UGT1A8: variants seen among roughly 807,000 people sequenced by gnomAD.
The protein encoded by UGT1A8 is UDP-glucuronosyltransferase 1A8.
In UGT1A8, 39 loss-of-function variants were observed where a neutral mutation model predicts 45.3. The ratio of observed to expected loss-of-function variants is 0.86; its 90% CI spans 0.67 to 1.12. The LOEUF (loss-of-function observed/expected upper bound fraction) is 1.12. UGT1A8 is among the 50% of genes most tolerant of loss of function. The pLI is 0.00. For missense variants in UGT1A8, 719 were observed against 664.9 expected, an observed-to-expected ratio of 1.08 and a Z score of -0.90; for synonymous variants, 275 against 249.2, an observed-to-expected ratio of 1.10 and a Z score of -0.97.
At chr2:233,654,850 G>A (rs1221049447) in intron 1 of UGT1A8, among the ~76,000 whole-genome samples, 1 of 152,210 alleles carries the variant, frequency 6.6e-6, no homozygotes, top group Admixed American at 6.5e-5. Flanking sequence ...CCTGCACTTA[G>A]GGAAACTGAG....
intron 1 of UGT1A8, among the ~76,000 whole-genome samples, chr2:233,639,581 A>C (rs892766406): frequency 6.6e-6 from 1 of 152,144 alleles, no homozygotes; most frequent in African/African-American, 2.4e-5. Context: ...TTGATGATAG[A>C]GTATGTGTTT....
intron 1 of UGT1A8, among the ~76,000 whole-genome samples, chr2:233,655,391 G>A (rs1301733136): frequency 6.6e-6 from 1 of 152,146 alleles, no homozygotes; most frequent in Non-Finnish European, 1.5e-5. Flanking sequence ...CCAAGGAGCA[G>A]GGACAGCAGG....
chr2:233,666,766 C>T (rs1216521650), intron 1 of UGT1A8, among the ~76,000 whole-genome samples: 1 of 151,620 alleles, frequency 6.6e-6, no homozygotes, highest in Non-Finnish European at 1.5e-5. Context: ...GTCATTTAAC[C>T]TTAGGTATCT....
In UGT1A8 at chr2:233,769,569, G is replaced by A; in HGVS notation, c.1295+1130G>A. ...TCAGGAAGACAGATGTGAAGAGCTG[G>A]AGCATGTTCAGATGAGAGGAGACGG... On this transcript the variant is annotated intron_variant, in intron 4 of 4. Transcript: ENST00000373450. The surrounding 1 kb of genome is among the most constrained non-coding windows in gnomAD (Gnocchi z 4.4). The A allele has an allele frequency of 1.2e-6, 2 of 1,612,870 alleles. No individual in the cohort carries two copies. The highest frequency in any genetic ancestry group is 2.2e-5 in the South Asian group (2 of 91,064).
At chr2:233,751,247 A>G (rs1694675595) in intron 1 of UGT1A8, among the ~76,000 whole-genome samples, 1 of 151,954 alleles carries the variant, frequency 6.6e-6, no homozygotes, top group South Asian at 2.1e-4. Flanking sequence ...TTGGACTTGC[A>G]TGGGGCCTGT....
At chr2:233,685,534 C>A (rs558249982) in intron 1 of UGT1A8, among the ~76,000 whole-genome samples, 1 of 152,210 alleles carries the variant, frequency 6.6e-6, no homozygotes, top group Admixed American at 6.5e-5. Flanking sequence ...CCATTGCTCT[C>A]GCATTCTGTT....
intron 1 of UGT1A8, chr2:233,739,030 G>A (rs1034959985): frequency 1.3e-5 from 2 of 152,264 alleles, no homozygotes; most frequent in African/African-American, 4.8e-5. Flanking sequence ...TGGCTAAAAG[G>A]GGCCAAGGTA....
intron 1 of UGT1A8, among the ~76,000 whole-genome samples, chr2:233,680,213 G>T (rs1240097253): frequency 6.6e-6 from 1 of 152,038 alleles, no homozygotes; most frequent in Non-Finnish European, 1.5e-5. Context: ...GCACTTTATA[G>T]TCCCATGGTG....
intron 1 of UGT1A8, among the ~76,000 whole-genome samples, chr2:233,669,595 C>T (rs2074140676): frequency 6.6e-6 from 1 of 152,042 alleles, no homozygotes; most frequent in Non-Finnish European, 1.5e-5. Context: ...TTGTTCATTG[C>T]TAGTACATTT....
chr2:233,712,648 C>T (rs968253315), intron 1 of UGT1A8, among the ~76,000 whole-genome samples: 4 of 152,112 alleles, frequency 2.6e-5, no homozygotes, highest in African/African-American at 4.8e-5. Context: ...GCCTGATAAA[C>T]GTGGTTAAGA....
intron 1 of UGT1A8, among the ~76,000 whole-genome samples, chr2:233,630,541 TAAAGA>T (rs1042066019): frequency 1.3e-5 from 2 of 152,104 alleles, no homozygotes; most frequent in African/African-American, 2.4e-5. Context: ...GGGTAATTTA[TAAAGA>T]AAAGAGGTTT....
At chr2:233,656,760 G>T (rs1275263627) in intron 1 of UGT1A8, among the ~76,000 whole-genome samples, 1 of 152,140 alleles carries the variant, frequency 6.6e-6, no homozygotes, top group Non-Finnish European at 1.5e-5. Flanking sequence ...AGTTTTGAAG[G>T]TTTCTTTGGG....
intron 1 of UGT1A8, chr2:233,719,813 A>C: frequency 6.3e-7 from 1 of 1,586,286 alleles, no homozygotes; most frequent in Non-Finnish European, 8.6e-7. Context: ...TCTTTATAAC[A>C]GATAAACTGT....
intron 1 of UGT1A8, among the ~76,000 whole-genome samples, chr2:233,631,665 G>C (rs192858445): frequency 6.6e-6 from 1 of 151,950 alleles, no homozygotes; most frequent in East Asian, 1.9e-4. Context: ...CATATCCTTC[G>C]ACCGCTTTTT....
At chr2:233,648,426 G>A (rs571681083) in intron 1 of UGT1A8, 35 of 191,988 alleles carry the variant, frequency 1.8e-4, no homozygotes, top group Non-Finnish European at 3.5e-4. Context: ...CAGGGTTTTC[G>A]GATGCTGTGA....
intron 1 of UGT1A8, 25 bp from the exon 2 acceptor site, chr2:233,767,005 TTAAC>T (rs753326341): frequency 3.7e-6 from 6 of 1,613,726 alleles, no homozygotes; most frequent in Non-Finnish European, 5.1e-6. Flanking sequence ...TGAGAAAAAA[TTAAC>T]TGAAAATTTT....
chr2:233,748,079 G>A (rs1693856284), intron 1 of UGT1A8: 2 of 1,613,192 alleles, frequency 1.2e-6, no homozygotes, highest in Middle Eastern at 3.4e-4. Flanking sequence ...CACTATCTCA[G>A]GTCGGTGTTC....
At chr2:233,771,399 T>G (rs972051776) in intron 4 of UGT1A8, 1 of 152,180 alleles carries the variant, frequency 6.6e-6, no homozygotes, top group East Asian at 1.9e-4. Flanking sequence ...GATTGGGCAA[T>G]GAACACTGTC....
rs555064194 is a variant in UGT1A8 at position 233,744,160 on chromosome 2, C to T, written c.856-22874C>T. ...TGTGATGCTCCAAGACCAGGCCCCG[C>T]CCACTCCGGCCTCCAACCAGCCATG... On this transcript the variant is annotated intron_variant, in intron 1 of 4. Coordinates refer to ENST00000373450, the MANE Select transcript of UGT1A8 (RefSeq NM_019076.5). 16 of 294,652 alleles carry T rather than the reference C, an allele frequency of 5.4e-5. No homozygotes were observed. In the East Asian group the frequency reaches 1.5e-3, roughly 28 times the overall value. 18.3% of individuals were successfully genotyped at this position (294,652 alleles called of 1,614,324 possible).
Sources: allele counts gnomAD v4.1 joint callset (sites outside exome capture counted in the v4.1 genomes callset), GRCh38; gene constraint gnomAD v4.1.1; non-coding constraint Gnocchi (gnomAD v3.1); transcripts MANE v1.5; gene names NCBI Gene and HGNC (gene_info 2026-07-23, HGNC 2026-07-21).